MBOAT1: variants seen among roughly 807,000 people sequenced by gnomAD.
MBOAT1 encodes the protein membrane bound glycerophospholipid O-acyltransferase 1, also known as membrane-bound glycerophospholipid O-acyltransferase 1.
In MBOAT1, 67 loss-of-function variants were observed where a neutral mutation model predicts 64.4. That is an observed-to-expected ratio of 1.04 (90% CI 0.85 to 1.27). The LOEUF is 1.27. MBOAT1 is among the 50% of genes most tolerant of loss of function. MBOAT1 has a pLI of 0.00. For synonymous variants in MBOAT1, 229 were observed against 218.9 expected (o/e 1.05, Z -0.41); for missense variants, 563 against 604.6 (o/e 0.93, Z 0.72).
In MBOAT1 at chr6:20,167,007, C is replaced by A. The variant is rs560462999; in HGVS notation, c.100-14238G>T. Reference sequence around the variant, plus strand: ...GAAAAAGAAAAGAAAAGAAAAGAAACCCATTGTGGTCAATCAGCTTTATCA... The same window carrying A: ...GAAAAAGAAAAGAAAAGAAAAGAAAACCATTGTGGTCAATCAGCTTTATCA... On this transcript the variant is annotated intron_variant, in intron 1 of 12. Transcript: ENST00000324607. Among the ~76,000 whole-genome samples the A allele has an allele frequency of 2.0e-5, 3 of 151,986 alleles. No individual in the cohort carries two copies. The South Asian group carries it at 6.3e-4, about 32-fold the overall frequency.
chr6:20,108,138 G>A (rs943244963), intron 12 of MBOAT1, among the ~76,000 whole-genome samples: 1 of 152,140 alleles, frequency 6.6e-6, no homozygotes, highest in Admixed American at 6.5e-5. Flanking sequence ...TGGAATAATC[G>A]CTGGCAACAC....
chr6:20,144,353 T>C (rs773570469), intron 3 of MBOAT1, 38 bp from the exon 4 acceptor site: 14 of 1,246,920 alleles, frequency 1.1e-5, no homozygotes, highest in South Asian at 3.7e-5. Flanking sequence ...TTATTATGCA[T>C]AGCAATAATG....
intron 1 of MBOAT1, among the ~76,000 whole-genome samples, chr6:20,167,939 T>A (rs1762058272): frequency 6.6e-6 from 1 of 152,140 alleles, no homozygotes; most frequent in Admixed American, 6.5e-5. Flanking sequence ...AAGCTCAAAG[T>A]CACTAATTAG....
At chr6:20,141,546 T>G (rs1761177934) in intron 4 of MBOAT1, among the ~76,000 whole-genome samples, 1 of 151,896 alleles carries the variant, frequency 6.6e-6, no homozygotes, top group South Asian at 2.1e-4. Context: ...TGTTTTGTTT[T>G]TAATTTTTAG....
chr6:20,146,197 G>GT lies in MBOAT1; in HGVS notation c.324-1883dup, dbSNP rs746202998. ...ATATATGCCATAAAACAGGGAAGAG[G>GT]TATTTTCTGATGTTAAATTATATTG... On this transcript the variant is annotated intron_variant, in intron 3 of 12. Transcript: ENST00000324607. 6.6e-5 allele frequency among the ~76,000 whole-genome samples: 10 copies of GT among 152,200 alleles called. No homozygotes were observed. The South Asian group carries it at 1.9e-3, about 28-fold the overall frequency.
At chr6:20,116,395 T>C (rs1297534017) in intron 9 of MBOAT1, among the ~76,000 whole-genome samples, 1 of 152,128 alleles carries the variant, frequency 6.6e-6, no homozygotes, top group East Asian at 1.9e-4. Flanking sequence ...TCAGAATTCC[T>C]AAAGAAGGCA....
intron 1 of MBOAT1, among the ~76,000 whole-genome samples, chr6:20,168,553 CAG>C (rs1441379759): frequency 2.5e-5 from 2 of 79,000 alleles, no homozygotes; most frequent in African/African-American, 5.4e-5. Context: ...GAGAGGGAAA[CAG>C]AGAAAGAGAA....
chr6:20,190,244 T>C (rs531847093), intron 1 of MBOAT1, among the ~76,000 whole-genome samples: 1 of 152,262 alleles, frequency 6.6e-6, no homozygotes, highest in East Asian at 1.9e-4. Context: ...TCACCCACCT[T>C]GGCCTCCCAA....
Position 20,150,281 on chromosome 6 carries a change from C to CAT in MBOAT1, c.323+902_323+903dup, listed in dbSNP as rs202012939. 9.3e-3 allele frequency among the ~76,000 whole-genome samples: 1,405 copies of CAT among 151,818 alleles called. 17 individuals carry two copies. Among genetic ancestry groups the CAT allele is most frequent in the African/African-American group, 0.031 (1,271 of 41,416 alleles). On this transcript the variant is annotated intron_variant, in intron 3 of 12. Transcript: ENST00000324607. ...TACACGTAGAAAGTATACAATTTAA[C>CAT]ATATATATATATTTGATATATATAG...
rs1484689690 is a variant in MBOAT1 at position 20,101,060 on chromosome 6, G to T, written c.*1226C>A. On this transcript the variant is annotated 3_prime_UTR_variant, in exon 13 of 13. Transcript: ENST00000324607. ...TCAGCCCATGTGTACATCACGGCCA[G>T]CCATGATCATTAACACCTCCATGAA... Among the ~76,000 whole-genome samples the T allele has an allele frequency of 3.9e-5, 6 of 152,106 alleles. No individual in the cohort carries two copies. Among genetic ancestry groups the T allele is most frequent in the Non-Finnish European group, 8.8e-5 (6 of 68,010 alleles).
intron 11 of MBOAT1, among the ~76,000 whole-genome samples, 153 bp from the exon 12 acceptor site, chr6:20,109,902 CTT>C (rs1158455991): frequency 3.2e-4 from 30 of 94,132 alleles, no homozygotes; most frequent in Middle Eastern, 7.8e-3. Flanking sequence ...ACCATCAGGA[CTT>C]TTTTTTTTTT....
At chr6:20,126,376 A>T in intron 7 of MBOAT1, 141 bp downstream of exon 7, 1 of 731,928 alleles carries the variant, frequency 1.4e-6, no homozygotes, top group Non-Finnish European at 2.3e-6. Flanking sequence ...GCAAATAAGT[A>T]ACTATACTGG....
intron 1 of MBOAT1, among the ~76,000 whole-genome samples, chr6:20,166,336 A>G (rs1408905745): frequency 6.6e-6 from 1 of 152,106 alleles, no homozygotes; most frequent in Admixed American, 6.5e-5. Flanking sequence ...TCTTTACTCC[A>G]TTCCCTAGGA....
At chr6:20,169,591 A>G (rs1165418110) in intron 1 of MBOAT1, among the ~76,000 whole-genome samples, 1 of 150,618 alleles carries the variant, frequency 6.6e-6, no homozygotes, top group Non-Finnish European at 1.5e-5. Flanking sequence ...GAGTCAAAGT[A>G]ACTACAATTC....
At chr6:20,150,354 AC>A (rs1761454488) in intron 3 of MBOAT1, among the ~76,000 whole-genome samples, 1 of 152,098 alleles carries the variant, frequency 6.6e-6, no homozygotes. Flanking sequence ...GACATCCATC[AC>A]CCCCTAGAAC....
Position 20,118,438 on chromosome 6 carries a change from T to A in MBOAT1, c.1010A>T (p.Glu337Val), listed in dbSNP as rs763777279. The A allele has an allele frequency of 1.9e-6, 3 of 1,612,890 alleles. No individual in the cohort carries two copies. The highest frequency in any genetic ancestry group is 2.5e-6 in the Non-Finnish European group (3 of 1,179,052). ...LLSNLNIWKIETATSFKMYLE... is the reference protein window; with the variant it reads ...LLSNLNIWKIVTATSFKMYLE... ...TTGGACTTAAAAGCATACACTCACC[T>A]CAATTTTCCAGATGTTTAGGTTCGA... Residue 337 changes from glutamate to valine, a missense_variant and splice_region_variant, in exon 9 of 13, where the codon GAG becomes GTG. Transcript: ENST00000324607.
At chr6:20,102,619 T>A (rs75673702) in intron 12 of MBOAT1, among the ~76,000 whole-genome samples, 67 of 152,214 alleles carry the variant, frequency 4.4e-4, no homozygotes, top group Non-Finnish European at 7.6e-4. Context: ...ACCACAAAAC[T>A]GGGCAGGGCA....
rs536256247 is a variant in MBOAT1, at chr6:20,101,815, G to A, written c.*471C>T. On this transcript the variant is annotated 3_prime_UTR_variant, in exon 13 of 13. Coordinates refer to ENST00000324607, the MANE Select transcript of MBOAT1 (RefSeq NM_001080480.3). ...ATGGCCGATTAATCTGTACAAAAAGGCTTTATAAAAATACTCCCGGCCGGG... is the reference window on the plus strand; with the variant it reads ...ATGGCCGATTAATCTGTACAAAAAGACTTTATAAAAATACTCCCGGCCGGG... Among the ~76,000 whole-genome samples the A allele has an allele frequency of 2.0e-5, 3 of 151,988 alleles. No individual in the cohort carries two copies. The highest frequency in any genetic ancestry group is 2.9e-5 in the Non-Finnish European group (2 of 68,004).
chr6:20,102,944 T>C (rs1339171830), intron 12 of MBOAT1, among the ~76,000 whole-genome samples: 1 of 152,166 alleles, frequency 6.6e-6, no homozygotes, highest in Non-Finnish European at 1.5e-5. Context: ...GAGTAAACAA[T>C]AGTATGCTGC....
Sources: allele counts gnomAD v4.1 joint callset (sites outside exome capture counted in the v4.1 genomes callset), GRCh38; gene constraint gnomAD v4.1.1; transcripts MANE v1.5; gene names NCBI Gene and HGNC (gene_info 2026-07-23, HGNC 2026-07-21).